The following ITK variants were observed in gnomAD, a reference collection of about 807,000 sequenced individuals.
ITK encodes the protein IL2 inducible T cell kinase, also known as tyrosine-protein kinase ITK/TSK.
Under a neutral mutation model 87.6 loss-of-function variants are expected in ITK, and 45 were observed. That is an observed-to-expected ratio of 0.51 (90% CI 0.40 to 0.66). The LOEUF (loss-of-function observed/expected upper bound fraction) is 0.66, where lower values mean the gene tolerates loss of function less well. Among genes scored for constraint, ITK ranks in the 30% least tolerant of loss-of-function variants. The pLI is 0.00. For synonymous variants in ITK, 303 were observed against 273.6 expected (o/e 1.11, Z -1.06); for missense variants, 605 against 766.3 (o/e 0.79, Z 2.48).
chr5:157,186,366 T>TAAA (rs56804246), intron 1 of ITK, among the ~76,000 whole-genome samples: 1 of 140,720 alleles, frequency 7.1e-6, no homozygotes, highest in Non-Finnish European at 1.6e-5. Context: ...CTATGTGTCT[T>TAAA]AAAAAAAAAA....
At chr5:157,231,414 A>G (rs566356599) in intron 7 of ITK, among the ~76,000 whole-genome samples, 9 of 152,274 alleles carry the variant, frequency 5.9e-5, no homozygotes, top group African/African-American at 1.7e-4. Context: ...GATGAAGCCT[A>G]TATTTTCCCA....
rs183142070 is a variant in ITK at position 157,234,900 on chromosome 5, T to A, written c.768+2506T>A. Among the ~76,000 whole-genome samples the A allele has an allele frequency of 2.5e-3, 374 of 152,276 alleles. 4 individuals are homozygous for A. The highest frequency in any genetic ancestry group is 5.4e-3 in the South Asian group (26 of 4,828). On this transcript the variant is annotated intron_variant, in intron 8 of 16. Transcript: ENST00000422843. Reference sequence around the variant, plus strand: ...TATACCCATGTAACAAACCTTCATGTTCTGCACATGTACCCCAGAACTTCA... The same window carrying A: ...TATACCCATGTAACAAACCTTCATGATCTGCACATGTACCCCAGAACTTCA...
chr5:157,192,474 C>T lies in ITK; in HGVS notation c.138+11359C>T, dbSNP rs369601151. 5.3e-5 allele frequency among the ~76,000 whole-genome samples: 8 copies of T among 152,240 alleles called. No homozygotes were observed. The East Asian group carries it at 5.8e-4, about 11-fold the overall frequency. On this transcript the variant is annotated intron_variant, in intron 1 of 16. Transcript: ENST00000422843. ...TTCTCAGGCTGTAATTCCAGAAAAG[C>T]GGATGAGGTGAGCAAGGAACAACAG...
Position 157,210,156 on chromosome 5 carries a change from C to G in ITK, c.244-1131C>G, listed in dbSNP as rs147978621. 5.7e-3 allele frequency among the ~76,000 whole-genome samples: 870 copies of G among 152,260 alleles called. 8 individuals are homozygous for G. Among genetic ancestry groups the G allele is most frequent in the Middle Eastern group, 0.037 (11 of 294 alleles). The stretch of plus-strand genomic sequence containing the variant: ...GGTCAGACTAGTCTCAAACTCCTGA[C>G]CTCGTGATCGACCCGCCTCGGCCTC... On this transcript the variant is annotated intron_variant, in intron 2 of 16. Coordinates refer to ENST00000422843, the MANE Select transcript of ITK (RefSeq NM_005546.4).
intron 1 of ITK, among the ~76,000 whole-genome samples, chr5:157,191,890 G>A (rs187206904): frequency 6.6e-6 from 1 of 152,248 alleles, no homozygotes; most frequent in Admixed American, 6.5e-5. Context: ...AGGATAGAGT[G>A]CCCCAAATAG....
intron 1 of ITK, among the ~76,000 whole-genome samples, chr5:157,197,684 G>A (rs1330307821): frequency 6.6e-6 from 1 of 152,104 alleles, no homozygotes; most frequent in Non-Finnish European, 1.5e-5. Context: ...ATATACTTTT[G>A]TCCCTCTGTA....
intron 1 of ITK, among the ~76,000 whole-genome samples, chr5:157,197,870 T>G (rs1302670642): frequency 6.6e-6 from 1 of 152,220 alleles, no homozygotes; most frequent in Non-Finnish European, 1.5e-5. Context: ...GTGAAAATCC[T>G]TTTTATTACA....
chr5:157,254,508 G>A lies in ITK; in HGVS notation c.*1830G>A, dbSNP rs1305777565. 4.5e-6 allele frequency: 1 copy of A among 220,806 alleles called. No homozygotes were observed. The highest frequency in any genetic ancestry group is 9.1e-6 in the Non-Finnish European group (1 of 110,308). The allele number at this position is 220,806 out of a possible 1,614,324, so 13.7% of individuals were successfully genotyped here. ...AGGGACATTCCCTGATATAAGAGAG[G>A]ATGGTGTTGCAATTGGCTCTTTCTA... is the stretch of plus-strand genomic sequence containing the variant. On this transcript the variant is annotated 3_prime_UTR_variant, in exon 17 of 17. Coordinates refer to ENST00000422843, the MANE Select transcript of ITK (RefSeq NM_005546.4).
rs984297988 is a variant in ITK, at chr5:157,248,887, C to T, written c.1671C>T (p.Ile557=). 6.2e-7 allele frequency: 1 copy of T among 1,613,920 alleles called. No individual in the cohort carries two copies. The highest frequency in any genetic ancestry group is 1.1e-5 in the South Asian group (1 of 91,076). ...GGGAAGTTTTCAGTGAAGGCAAAAT[C>T]CCGTATGAAAACCGAAGCAACTCAG... ...LMWEVFSEGK[I]PYENRSNSEV... is the part of the protein sequence containing the mutation. Residue 557 remains isoleucine (I), a synonymous_variant, in exon 16 of 17, where the codon ATC becomes ATT. Coordinates refer to ENST00000422843, the MANE Select transcript of ITK (RefSeq NM_005546.4).
chr5:157,231,845 C>A (rs948728078), intron 7 of ITK, among the ~76,000 whole-genome samples: 1 of 152,190 alleles, frequency 6.6e-6, no homozygotes, highest in Non-Finnish European at 1.5e-5. Context: ...GAGGAAAATA[C>A]TACAGTTGTT....
rs548227167 is a variant in ITK at position 157,192,083 on chromosome 5, T to A, written c.138+10968T>A. 2.0e-5 allele frequency among the ~76,000 whole-genome samples: 3 copies of A among 152,330 alleles called. No homozygotes were observed. In the South Asian group the frequency reaches 6.2e-4, roughly 32 times the overall value. On this transcript the variant is annotated intron_variant, in intron 1 of 16. Transcript: ENST00000422843. ...TAATAGAAACAAAAGAATCTCACTG[T>A]TGTGATTTTCAAGTACTCCATTTTG...
rs1307673301 is a variant in ITK at position 157,253,957 on chromosome 5, ATAT to A, written c.*1287_*1289del. Reference sequence around the variant, plus strand: ...CCTGGGTTCACATCCCCATGAGGTAATATTATTATTCCCATTTTACAAATAATG... The same window carrying A: ...CCTGGGTTCACATCCCCATGAGGTAATATTATTCCCATTTTACAAATAATG... On this transcript the variant is annotated 3_prime_UTR_variant, in exon 17 of 17. Coordinates refer to ENST00000422843, the MANE Select transcript of ITK (RefSeq NM_005546.4). 1.3e-5 allele frequency: 3 copies of A among 222,266 alleles called. No individual in the cohort carries two copies. The highest frequency in any genetic ancestry group is 9.0e-6 in the Non-Finnish European group (1 of 111,274). 13.8% of individuals were successfully genotyped at this position (222,266 alleles called of 1,614,324 possible).
chr5:157,236,436 C>T (rs779625006), intron 8 of ITK, among the ~76,000 whole-genome samples: 2 of 151,940 alleles, frequency 1.3e-5, no homozygotes, highest in African/African-American at 4.8e-5. Flanking sequence ...TAGCATGGGC[C>T]ACTGTCTGTG....
chr5:157,183,339 T>A (rs955136156), intron 1 of ITK, among the ~76,000 whole-genome samples: 1 of 152,208 alleles, frequency 6.6e-6, no homozygotes, highest in African/African-American at 2.4e-5. Flanking sequence ...GGCTTCATTT[T>A]CAATCTGTAA....
At chr5:157,224,038 G>T (rs1318423148) in intron 6 of ITK, among the ~76,000 whole-genome samples, 1 of 151,994 alleles carries the variant, frequency 6.6e-6, no homozygotes, top group East Asian at 1.9e-4. Context: ...AATCCCAGCA[G>T]TTTGGGAGGC....
intron 7 of ITK, 37 bp downstream of exon 7, chr5:157,228,398 T>A: frequency 8.5e-7 from 1 of 1,179,320 alleles, no homozygotes; most frequent in Non-Finnish European, 1.3e-6. Flanking sequence ...AATACAGTCC[T>A]AAGGAATCCT....
At position 157,244,403 on chromosome 5, in the gene ITK, C is replaced by A. The variant is rs1943673728; in HGVS notation, c.1374C>A (p.Thr458=). 3 of 1,613,816 alleles carry A rather than the reference C, an allele frequency of 1.9e-6. No homozygotes were observed. The highest frequency in any genetic ancestry group is 2.5e-6 in the Non-Finnish European group (3 of 1,179,852). ...RTQRGLFAAE[T]LLGMCLDVCE... is the part of the protein sequence containing the mutation. ...AGCGGGGACTTTTTGCTGCAGAGAC[C>A]CTGCTGGGCATGTGTCTGGATGTGT... The change falls in exon 13 of 17, where the codon ACC becomes ACA. Residue 458 remains threonine (T), a synonymous_variant. Coordinates refer to ENST00000422843, the MANE Select transcript of ITK (RefSeq NM_005546.4).
At chr5:157,226,201 C>T (rs1190722547) in intron 6 of ITK, among the ~76,000 whole-genome samples, 6 of 152,146 alleles carry the variant, frequency 3.9e-5, no homozygotes, top group Admixed American at 1.3e-4. Context: ...GAATCCATTT[C>T]GTGAACTGTA....
chr5:157,181,540 AT>A (rs1753518953), intron 1 of ITK, among the ~76,000 whole-genome samples: 1 of 152,166 alleles, frequency 6.6e-6, no homozygotes, highest in African/African-American at 2.4e-5. Flanking sequence ...CAGCTTTCTT[AT>A]TTTTTAGTGG....
Sources: gnomAD v4.1 joint callset for allele counts (sites outside exome capture counted in the v4.1 genomes callset) on GRCh38, gnomAD v4.1.1 for gene constraint, MANE v1.5 for transcripts, NCBI Gene and HGNC (gene_info 2026-07-23, HGNC 2026-07-21) for gene names.